The following CC2D2A variants were observed in gnomAD, a reference collection of about 807,000 sequenced individuals.
CC2D2A encodes the protein coiled-coil and C2 domain containing 2A, also known as coiled-coil and C2 domain-containing protein 2A.
In CC2D2A, 155 loss-of-function variants were observed where a neutral mutation model predicts 212.9. The ratio of observed to expected loss-of-function variants is 0.73; its 90% CI spans 0.64 to 0.83. CC2D2A has a LOEUF of 0.83. Among genes scored for constraint, CC2D2A ranks in the 40% least tolerant of loss-of-function variants. The pLI is 0.00. For missense variants in CC2D2A, 1,856 were observed against 1,956.2 expected, an observed-to-expected ratio of 0.95 and a Z score of 0.97; for synonymous variants, 667 against 686.5, an observed-to-expected ratio of 0.97 and a Z score of 0.44.
intron 19 of CC2D2A, among the ~76,000 whole-genome samples, chr4:15,554,218 TG>T (rs1287248652): frequency 6.6e-6 from 1 of 152,220 alleles, no homozygotes; most frequent in Non-Finnish European, 1.5e-5. Context: ...AAAAATCTCC[TG>T]GGGAGTAAAG....
chr4:15,578,702 T>C (rs1425082962), intron 29 of CC2D2A, among the ~76,000 whole-genome samples: 3 of 152,214 alleles, frequency 2.0e-5, no homozygotes, highest in Non-Finnish European at 2.9e-5. Context: ...CTCAGCTCAC[T>C]GCAACCTCCG....
At chr4:15,580,413 A>G (rs1720611413) in intron 30 of CC2D2A, among the ~76,000 whole-genome samples, 1 of 152,188 alleles carries the variant, frequency 6.6e-6, no homozygotes, top group South Asian at 2.1e-4. Context: ...CAAGGCGGGC[A>G]GATGACTTGA....
chr4:15,580,092 T>C lies in CC2D2A; in HGVS notation c.3896T>C (p.Phe1299Ser). 6.2e-7 allele frequency: 1 copy of C among 1,613,972 alleles called. No individual in the cohort carries two copies. Among genetic ancestry groups the C allele is most frequent in the Middle Eastern group, 1.7e-4 (1 of 6,058 alleles). ...TVIDISGKTV[F>S]ITRYLKPLNP... The stretch of plus-strand genomic sequence containing the variant: ...ATTGATATAAGCGGAAAAACTGTTT[T>C]TATCACACGTTATCTCAAACCTTTA... The change falls in exon 30 of 37, where the codon TTT (phenylalanine) becomes TCT (serine). Residue 1299 changes from phenylalanine (F) to serine (S), a missense_variant. Physicochemically the swap from Phe to Ser is radical, Grantham distance 155. This residue lies in a region of CC2D2A where 1,512 missense variants were observed against 1,579.3 expected (regional missense o/e 0.96). Coordinates refer to ENST00000424120, the MANE Select transcript of CC2D2A (RefSeq NM_001378615.1).
At chr4:15,548,621 C>G (rs1718832084) in intron 17 of CC2D2A, among the ~76,000 whole-genome samples, 1 of 148,722 alleles carries the variant, frequency 6.7e-6, no homozygotes, top group African/African-American at 2.5e-5. Context: ...TGAAAGAAAA[C>G]ACATCATTTT....
intron 13 of CC2D2A, among the ~76,000 whole-genome samples, chr4:15,532,076 C>G (rs567135160): frequency 6.6e-6 from 1 of 152,272 alleles, no homozygotes; most frequent in African/African-American, 2.4e-5. Context: ...AGTAGCTTAC[C>G]CAATCCAGCT....
At chr4:15,590,390 C>G (rs1414814887) in intron 33 of CC2D2A, among the ~76,000 whole-genome samples, 1 of 152,146 alleles carries the variant, frequency 6.6e-6, no homozygotes, top group Non-Finnish European at 1.5e-5. Flanking sequence ...TGGTGTGACT[C>G]TGTAATCCCA....
intron 1 of CC2D2A, among the ~76,000 whole-genome samples, chr4:15,472,538 A>G (rs902922575): frequency 2.6e-5 from 4 of 152,224 alleles, no homozygotes; most frequent in African/African-American, 9.6e-5. Flanking sequence ...GAATGAGGAA[A>G]AAAGAAAATC....
chr4:15,577,081 C>T (rs1191045380), intron 29 of CC2D2A, among the ~76,000 whole-genome samples: 1 of 152,166 alleles, frequency 6.6e-6, no homozygotes, highest in East Asian at 1.9e-4. Flanking sequence ...GCAGCCTCGA[C>T]CTCTTCAGCC....
intron 11 of CC2D2A, among the ~76,000 whole-genome samples, chr4:15,520,638 T>C (rs945167951): frequency 1.3e-5 from 2 of 152,230 alleles, no homozygotes; most frequent in African/African-American, 4.8e-5. Context: ...AGATATCCCT[T>C]GCACTAAGGG....
chr4:15,528,593 C>G, intron 12 of CC2D2A, 27 bp from the exon 13 acceptor site: 1 of 1,598,636 alleles, frequency 6.3e-7, no homozygotes, highest in Non-Finnish European at 8.6e-7. Context: ...GTTTGTAACC[C>G]AAAACTTGTA....
Position 15,537,121 on chromosome 4 carries a change from T to G in CC2D2A, c.1764+45T>G, listed in dbSNP as rs1558572. On this transcript the variant is annotated intron_variant, in intron 15 of 36. Transcript: ENST00000424120. ...GCCTGGAATAGGGCTGGCCAGGAAG[T>G]GTCTGGGAGGGCAGCCTCCAGTACA... 1,180,609 of 1,589,156 alleles carry G rather than the reference T, an allele frequency of 0.74. 439,358 individuals are homozygous for G. The highest frequency in any genetic ancestry group is 0.78 in the East Asian group (34,897 of 44,522).
intron 6 of CC2D2A, among the ~76,000 whole-genome samples, chr4:15,509,193 A>ACAT (rs1473714056): frequency 1.3e-5 from 2 of 152,164 alleles, no homozygotes. Flanking sequence ...TTACAATCAG[A>ACAT]CATTATCAAT....
intron 11 of CC2D2A, among the ~76,000 whole-genome samples, chr4:15,526,116 A>G (rs995994475): frequency 6.6e-6 from 1 of 152,174 alleles, no homozygotes; most frequent in Non-Finnish European, 1.5e-5. Flanking sequence ...CTCCCTCTGC[A>G]CATCCCAGAC....
At position 15,480,627 on chromosome 4, in the gene CC2D2A, T is replaced by A. The variant is rs146905313; in HGVS notation, c.124-77T>A. On this transcript the variant is annotated intron_variant, in intron 3 of 36. Coordinates refer to ENST00000424120, the MANE Select transcript of CC2D2A (RefSeq NM_001378615.1). ...GTACTAAGGCCTGTCCCCTCACTGG[T>A]GACCCATCTTCCCAAGAGAGGAACA... 1.7e-4 allele frequency: 249 copies of A among 1,495,684 alleles called. 1 individual carries two copies. In the African/African-American group the frequency reaches 3.3e-3, roughly 20 times the overall value. The allele number at this position is 1,495,684 out of a possible 1,614,324, so 92.7% of individuals were successfully genotyped here. A position where few individuals can be genotyped will look rare whatever the true frequency, so the allele number is the denominator to read the frequency against.
Position 15,586,262 on chromosome 4 carries a change from T to G in CC2D2A, c.4065+16T>G. 1 of 1,503,634 alleles carries G rather than the reference T, an allele frequency of 6.7e-7. No individual in the cohort carries two copies. Among genetic ancestry groups the G allele is most frequent in the Non-Finnish European group, 9.0e-7 (1 of 1,111,080 alleles). 93.1% of individuals were successfully genotyped at this position (1,503,634 alleles called of 1,614,324 possible). On this transcript the variant is annotated intron_variant, in intron 31 of 36. Transcript: ENST00000424120. Reference sequence around the variant, plus strand: ...CACATCTGATGTAAGTAGTTCTTCTTCACAGATTTAGAAACTTGAGCTGAC... The same window carrying G: ...CACATCTGATGTAAGTAGTTCTTCTGCACAGATTTAGAAACTTGAGCTGAC...
intron 36 of CC2D2A, among the ~76,000 whole-genome samples, chr4:15,600,666 G>C (rs988913855): frequency 2.0e-5 from 3 of 152,080 alleles, no homozygotes; most frequent in African/African-American, 2.4e-5. Flanking sequence ...ACTTTGGGAG[G>C]CTGAGGCAGC....
intron 8 of CC2D2A, among the ~76,000 whole-genome samples, chr4:15,513,031 G>A (rs1293607090): frequency 1.3e-5 from 2 of 151,958 alleles, no homozygotes; most frequent in African/African-American, 4.8e-5. Context: ...AACACACTAG[G>A]ATATTCTAGT....
chr4:15,576,062 C>T (rs1186960596), intron 29 of CC2D2A, among the ~76,000 whole-genome samples: 1 of 152,188 alleles, frequency 6.6e-6, no homozygotes, highest in African/African-American at 2.4e-5. Flanking sequence ...GCCTTCCTTC[C>T]CTAAAGCTAT....
chr4:15,576,345 G>A (rs1256435961), intron 29 of CC2D2A: 1 of 982,652 alleles, frequency 1.0e-6, no homozygotes. Context: ...ACCTGGAATT[G>A]TTTTTCCACT....
Sources: gnomAD v4.1 joint callset for allele counts (sites outside exome capture counted in the v4.1 genomes callset) on GRCh38, gnomAD v4.1.1 for gene constraint, gnomAD v4.1.1 regional missense constraint, MANE v1.5 for transcripts, NCBI Gene and HGNC (gene_info 2026-07-23, HGNC 2026-07-21) for gene names.